DLGAP1: variants seen among roughly 807,000 people sequenced by gnomAD.
DLGAP1 encodes DLG associated protein 1.
Under a neutral mutation model 90.8 loss-of-function variants are expected in DLGAP1, and 11 were observed. That is an observed-to-expected ratio of 0.12 (90% confidence interval 0.08 to 0.20). The LOEUF (loss-of-function observed/expected upper bound fraction) is 0.20. DLGAP1 is among the 10% of genes least tolerant of loss of function. DLGAP1 has a pLI of 1.00. For missense variants in DLGAP1, 1,050 were observed against 1,333.8 expected, an observed-to-expected ratio of 0.79 and a Z score of 3.31; for synonymous variants, 558 against 540.7, an observed-to-expected ratio of 1.03 and a Z score of -0.44.
intron 1 of DLGAP1, among the ~76,000 whole-genome samples, chr18:4,276,769 A>G (rs1374161769): frequency 1.3e-5 from 2 of 152,256 alleles, no homozygotes; most frequent in Non-Finnish European, 2.9e-5. Context: ...GAGAAACTCA[A>G]GAAATTAATA....
chr18:4,428,023 C>A (rs1391424490), intron 1 of DLGAP1, among the ~76,000 whole-genome samples: 1 of 152,204 alleles, frequency 6.6e-6, no homozygotes, highest in Non-Finnish European at 1.5e-5. Context: ...TGGGCACTCA[C>A]TGGATCTTTA....
chr18:4,052,960 C>T (rs180777672), intron 2 of DLGAP1, among the ~76,000 whole-genome samples: 4 of 152,296 alleles, frequency 2.6e-5, no homozygotes, highest in East Asian at 1.9e-4. Context: ...CTGTCCATAT[C>T]GCTATCAGCA....
At position 3,540,095 on chromosome 18, in the gene DLGAP1, G is replaced by A. The variant is rs79336483; in HGVS notation, c.2058-5480C>T. 2.6e-3 allele frequency among the ~76,000 whole-genome samples: 394 copies of A among 152,228 alleles called. 19 individuals carry two copies. The East Asian group carries it at 0.065, about 25-fold the overall frequency. On this transcript the variant is annotated intron_variant, in intron 9 of 12. Transcript: ENST00000315677. ...TATGAAATGGCACCCTTTCACTGAT[G>A]TAAAAACCAAGATGTCTCATTACAT...
rs550733015 is a variant in DLGAP1 at position 4,190,572 on chromosome 18, G to A, written c.-266-39285C>T. Among the ~76,000 whole-genome samples the A allele has an allele frequency of 4.6e-5, 7 of 152,178 alleles. No individual in the cohort carries two copies. In the South Asian group the frequency reaches 6.2e-4, roughly 14 times the overall value. On this transcript the variant is annotated intron_variant, in intron 1 of 12. Coordinates refer to ENST00000315677, the MANE Select transcript of DLGAP1 (RefSeq NM_004746.4). ...TATTAGCTCATCAATTGTAACAAAC[G>A]TACCTTACTAATGCAAGATACTAAT...
chr18:4,203,141 G>A (rs910906023), intron 1 of DLGAP1, among the ~76,000 whole-genome samples: 1 of 152,176 alleles, frequency 6.6e-6, no homozygotes, highest in African/African-American at 2.4e-5. Context: ...TGGGCGTGGT[G>A]GCGGGTGCCT....
chr18:4,397,064 G>T (rs1274635806), intron 1 of DLGAP1, among the ~76,000 whole-genome samples: 2 of 152,184 alleles, frequency 1.3e-5, no homozygotes, highest in Non-Finnish European at 2.9e-5. Flanking sequence ...TGCAACCAAG[G>T]CAGGGTGTTT....
chr18:3,730,652 AT>A lies in DLGAP1; in HGVS notation c.1351-1278del, dbSNP rs1396421082. On this transcript the variant is annotated intron_variant, in intron 6 of 12. Coordinates refer to ENST00000315677, the MANE Select transcript of DLGAP1 (RefSeq NM_004746.4). The stretch of plus-strand genomic sequence containing the variant: ...TGAATACTTACTGAAAACTATTACA[AT>A]TTTTGGCTGTCTCCTCATTTTGTAT... 2.0e-5 allele frequency among the ~76,000 whole-genome samples: 3 copies of A among 152,274 alleles called. No homozygotes were observed. The East Asian group carries it at 5.8e-4, about 29-fold the overall frequency.
chr18:3,531,470 G>A (rs964413074), intron 10 of DLGAP1, among the ~76,000 whole-genome samples: 4 of 148,596 alleles, frequency 2.7e-5, no homozygotes, highest in Admixed American at 6.6e-5. Context: ...TGTTACGTAC[G>A]ATAATGCATG....
At chr18:3,718,184 G>C (rs567720398) in intron 7 of DLGAP1, among the ~76,000 whole-genome samples, 1 of 152,120 alleles carries the variant, frequency 6.6e-6, no homozygotes. Context: ...GAAAAGGCCC[G>C]GTGCAGCGGC....
rs1028808550 is a variant in DLGAP1 at position 3,799,310 on chromosome 18, T to C, written c.1172+14749A>G. ...CAGGCTGCCTCTAAGTCAGCAGGAC[T>C]GGGACCCTACAGGCATGGGTGCTAC... is the stretch of plus-strand genomic sequence containing the variant. On this transcript the variant is annotated intron_variant, in intron 5 of 12. Transcript: ENST00000315677. Among the ~76,000 whole-genome samples, 24 of 152,266 alleles carry C rather than the reference T, an allele frequency of 1.6e-4. 1 individual carries two copies. Among genetic ancestry groups the C allele is most frequent in the Admixed American group, 1.3e-3 (20 of 15,286 alleles).
intron 8 of DLGAP1, chr18:3,580,753 G>A (rs2145366306): frequency 1.2e-6 from 2 of 1,613,192 alleles, no homozygotes; most frequent in Non-Finnish European, 1.7e-6. Context: ...CATCCCCTCA[G>A]GTGTGACCGG....
At chr18:4,141,923 T>A (rs1555747984) in intron 2 of DLGAP1, among the ~76,000 whole-genome samples, 1 of 152,128 alleles carries the variant, frequency 6.6e-6, no homozygotes, top group Non-Finnish European at 1.5e-5. Flanking sequence ...CTATTTTGAA[T>A]TCTCTGTTTG....
intron 7 of DLGAP1, among the ~76,000 whole-genome samples, chr18:3,606,358 G>A (rs891682001): frequency 8.5e-5 from 13 of 152,168 alleles, no homozygotes; most frequent in Non-Finnish European, 1.3e-4. Flanking sequence ...AAAGACAGAC[G>A]TTTTCATTAC....
intron 1 of DLGAP1, among the ~76,000 whole-genome samples, chr18:4,441,007 A>G (rs2083524072): frequency 1.3e-5 from 2 of 152,238 alleles, no homozygotes. Context: ...AAAGAATTAT[A>G]AGAGGCAATG....
At chr18:3,953,632 C>A (rs768299831) in intron 3 of DLGAP1, among the ~76,000 whole-genome samples, 1 of 152,038 alleles carries the variant, frequency 6.6e-6, no homozygotes, top group Non-Finnish European at 1.5e-5. Flanking sequence ...TTGTGATTAG[C>A]GCTGAGATAA....
rs143718131 is a variant in DLGAP1 at position 4,121,341 on chromosome 18, A to C, written c.-159+29839T>G. Among the ~76,000 whole-genome samples, 489 of 152,264 alleles carry C rather than the reference A, an allele frequency of 3.2e-3. 3 individuals carry two copies. The highest frequency in any genetic ancestry group is 0.011 in the African/African-American group (464 of 41,548). On this transcript the variant is annotated intron_variant, in intron 2 of 12. Coordinates refer to ENST00000315677, the MANE Select transcript of DLGAP1 (RefSeq NM_004746.4). ...GGGCAAGAGGATGAAGGGACAAAGC[A>C]TCTTTGGTTGGCCAGACTTTATGTA...
At chr18:3,688,473 T>TAA (rs573649357) in intron 7 of DLGAP1, among the ~76,000 whole-genome samples, 1 of 150,550 alleles carries the variant, frequency 6.6e-6, no homozygotes, top group East Asian at 1.9e-4. Context: ...GAAAAATTAT[T>TAA]AAAAAAAAAC....
At chr18:3,859,760 T>C (rs901244876) in intron 4 of DLGAP1, among the ~76,000 whole-genome samples, 10 of 152,084 alleles carry the variant, frequency 6.6e-5, no homozygotes, top group Non-Finnish European at 1.3e-4. Context: ...TTGTAGCTCA[T>C]TGAGACCCAT....
intron 5 of DLGAP1, among the ~76,000 whole-genome samples, chr18:3,779,271 C>T (rs535056863): frequency 3.3e-5 from 5 of 152,130 alleles, no homozygotes; most frequent in Non-Finnish European, 7.3e-5. Context: ...GAGACAGGGT[C>T]TGCCATGTTG....
Sources: allele counts gnomAD v4.1 joint callset (sites outside exome capture counted in the v4.1 genomes callset), GRCh38; gene constraint gnomAD v4.1.1; transcripts MANE v1.5; gene names NCBI Gene and HGNC (gene_info 2026-07-23, HGNC 2026-07-21).